The following TNN variants were observed in gnomAD, a reference collection of about 807,000 sequenced individuals.
The protein encoded by TNN is tenascin N.
Under a neutral mutation model 134.4 loss-of-function variants are expected in TNN, and 122 were observed. That is an observed-to-expected ratio of 0.91 (90% confidence interval 0.78 to 1.06). The LOEUF is 1.06. Ranked by LOEUF, TNN falls within the 50% of genes least tolerant of loss-of-function variation. The pLI is 0.00. For synonymous variants in TNN, 710 were observed against 670.3 expected, an observed-to-expected ratio of 1.06 and a Z score of -0.91; for missense variants, 1,739 against 1,699.4, an observed-to-expected ratio of 1.02 and a Z score of -0.41.
intron 9 of TNN, among the ~76,000 whole-genome samples, chr1:175,109,190 G>A (rs1346075771): frequency 8.0e-5 from 11 of 137,054 alleles, no homozygotes; most frequent in South Asian, 2.5e-4. Flanking sequence ...CCGGGTTCAC[G>A]CCATTCTCCT....
intron 15 of TNN, among the ~76,000 whole-genome samples, chr1:175,131,917 T>C (rs1357839411): frequency 7.3e-6 from 1 of 136,338 alleles, no homozygotes; most frequent in Non-Finnish European, 1.6e-5. Flanking sequence ...GAAGTATTAT[T>C]ACACACACAC....
chr1:175,091,306 G>A (rs918616559), intron 6 of TNN, among the ~76,000 whole-genome samples: 1 of 152,218 alleles, frequency 6.6e-6, no homozygotes. Flanking sequence ...GGCACTGTGA[G>A]CTTGGAGAAG....
At chr1:175,080,787 G>C (rs1437354926) in intron 4 of TNN, among the ~76,000 whole-genome samples, 1 of 152,172 alleles carries the variant, frequency 6.6e-6, no homozygotes, top group East Asian at 1.9e-4. Context: ...GGCTGCTGAA[G>C]CCACCTGTAT....
At position 175,077,815 on chromosome 1, in the gene TNN, C is replaced by G. The variant is rs1409190532; in HGVS notation, c.397C>G (p.Gln133Glu). 1 of 1,609,872 alleles carries G rather than the reference C, an allele frequency of 6.2e-7. No homozygotes were observed. Among genetic ancestry groups the G allele is most frequent in the Non-Finnish European group, 8.5e-7 (1 of 1,176,584 alleles). Residue 133 changes from glutamine to glutamate, a missense_variant, in exon 2 of 19, where the codon CAG becomes GAG. Coordinates refer to ENST00000239462, the MANE Select transcript of TNN (RefSeq NM_022093.2). ...ACAGTGTAGTGCCCAGCGCTGCTGC[C>G]AGGGAGTCACTGGTGAGCTCACCAC... Reference protein sequence around the residue: ...KEQCSAQRCCQGVTDLSRHCS... With the variant: ...KEQCSAQRCCEGVTDLSRHCS...
chr1:175,075,380 C>T (rs2149425503), intron 1 of TNN, among the ~76,000 whole-genome samples: 1 of 152,286 alleles, frequency 6.6e-6, no homozygotes, highest in African/African-American at 2.4e-5. Flanking sequence ...TCACTGCAGC[C>T]TCCGCCTCCC....
intron 18 of TNN, among the ~76,000 whole-genome samples, chr1:175,146,053 CT>C (rs1336637581): frequency 1.3e-5 from 2 of 152,158 alleles, no homozygotes; most frequent in African/African-American, 4.8e-5. Flanking sequence ...ATTTTGATTA[CT>C]TTGGCCCTGA....
At chr1:175,080,482 T>C (rs1674175246) in intron 4 of TNN, 56 bp downstream of exon 4, 6 of 1,599,988 alleles carry the variant, frequency 3.8e-6, no homozygotes, top group Non-Finnish European at 5.1e-6. Context: ...TTCTAAATGG[T>C]TTCTTTCATT....
chr1:175,079,915 A>G (rs571764580), intron 3 of TNN, among the ~76,000 whole-genome samples: 1 of 152,232 alleles, frequency 6.6e-6, no homozygotes, highest in African/African-American at 2.4e-5. Context: ...GCTGCTGGTT[A>G]GAGGCCCTAA....
In TNN at chr1:175,147,042, A is replaced by T; in HGVS notation, c.3871A>T (p.Thr1291Ser). Residue 1291 changes from threonine to serine, a missense_variant, in exon 19 of 19, where the codon ACG (threonine) becomes TCG (serine). Transcript: ENST00000239462. ...REPVLGRKKR[T>S]LRGRLRTF ...GCCTGTCCTGGGCAGAAAGAAGCGG[A>T]CGCTGAGAGGAAGGCTGCGAACGTT... The T allele has an allele frequency of 3.1e-6, 5 of 1,591,692 alleles. No individual in the cohort carries two copies. The highest frequency in any genetic ancestry group is 1.1e-5 in the South Asian group (1 of 88,370).
intron 15 of TNN, among the ~76,000 whole-genome samples, chr1:175,134,551 C>G (rs12070562): frequency 6.7e-6 from 1 of 149,246 alleles, no homozygotes; most frequent in Non-Finnish European, 1.5e-5. Context: ...TCTCAAAAAA[C>G]AAACAAACAA....
At chr1:175,118,896 G>C in intron 11 of TNN, 72 bp downstream of exon 11, 1 of 1,575,806 alleles carries the variant, frequency 6.3e-7, no homozygotes, top group South Asian at 1.1e-5. Flanking sequence ...GAGTGATGAT[G>C]CAGCTGCTTT....
At chr1:175,084,969 G>T (rs897141107) in intron 5 of TNN, among the ~76,000 whole-genome samples, 1 of 152,210 alleles carries the variant, frequency 6.6e-6, no homozygotes, top group Non-Finnish European at 1.5e-5. Context: ...TCTAGCCTGA[G>T]TGACACAGTG....
chr1:175,087,629 A>C (rs1454659916), intron 6 of TNN, among the ~76,000 whole-genome samples: 1 of 152,168 alleles, frequency 6.6e-6, no homozygotes, highest in African/African-American at 2.4e-5. Flanking sequence ...TCACCTCTGG[A>C]AGTGATTTTT....
intron 5 of TNN, among the ~76,000 whole-genome samples, chr1:175,084,580 G>A (rs991992219): frequency 6.6e-6 from 1 of 152,192 alleles, no homozygotes; most frequent in Non-Finnish European, 1.5e-5. Context: ...CAGGTACAAG[G>A]CCTTGGAATG....
At chr1:175,122,218 C>CAAA (rs10636029) in intron 11 of TNN, among the ~76,000 whole-genome samples, 3,641 of 144,590 alleles carry the variant, frequency 0.025, 102 homozygotes, top group African/African-American at 0.07. Flanking sequence ...CCTGTCTTTA[C>CAAA]AAAAAAAAAA....
chr1:175,083,901 G>A lies in TNN; in HGVS notation c.1200G>A (p.Lys400=). The A allele has an allele frequency of 5.0e-6, 8 of 1,614,144 alleles. No individual in the cohort carries two copies. Among genetic ancestry groups the A allele is most frequent in the East Asian group, 2.2e-5 (1 of 44,864 alleles). The part of the protein sequence containing the change: ...GQEVAEVTVP[K]SSDPKSRYDI... ...AGGTAGCTGAGGTCACTGTGCCCAAGAGCAGTGACCCCAAGAGCCGATATG... is the reference window on the plus strand; with the variant it reads ...AGGTAGCTGAGGTCACTGTGCCCAAAAGCAGTGACCCCAAGAGCCGATATG... The change falls in exon 5 of 19, where the codon AAG becomes AAA. Residue 400 remains lysine (K), a synonymous_variant. Transcript: ENST00000239462.
chr1:175,118,803 G>T lies in TNN; in HGVS notation c.2629G>T (p.Ala877Ser), dbSNP rs1675263252. Residue 877 changes from alanine (A) to serine (S), a missense_variant, in exon 11 of 19, where the codon GCT (alanine) becomes TCT (serine). Transcript: ENST00000239462. ...GAAGGGGAACCAGGAGAGCAAGAAG[G>T]CTGACACCAAGGCCCAGACAGGTAA... is the stretch of plus-strand genomic sequence containing the variant. ...AQKGNQESKK[A>S]DTKAQTEIDG... is the part of the protein sequence containing the mutation. 1 of 1,614,200 alleles carries T rather than the reference G, an allele frequency of 6.2e-7. No homozygotes were observed. The highest frequency in any genetic ancestry group is 8.5e-7 in the Non-Finnish European group (1 of 1,180,026).
chr1:175,136,501 G>A (rs773483374), intron 16 of TNN, among the ~76,000 whole-genome samples: 14 of 152,156 alleles, frequency 9.2e-5, no homozygotes, highest in South Asian at 2.1e-4. Flanking sequence ...AGGATGAGTC[G>A]TTGACCTGCT....
chr1:175,094,237 C>T lies in TNN; in HGVS notation c.1572C>T (p.Asp524=). The T allele has an allele frequency of 6.2e-7, 1 of 1,603,918 alleles. No homozygotes were observed. The highest frequency in any genetic ancestry group is 8.5e-7 in the Non-Finnish European group (1 of 1,173,380). The change falls in exon 7 of 19, where the codon GAC becomes GAT. Residue 524 remains aspartate, a synonymous_variant. Transcript: ENST00000239462. ...ERGNQGSKKA[D]TNALTEIDSP... ...GCAACCAGGGGAGCAAGAAAGCTGA[C>T]ACCAATGCCCTCACAGGTAACAGAA...
Sources: allele counts gnomAD v4.1 joint callset (sites outside exome capture counted in the v4.1 genomes callset), GRCh38; gene constraint gnomAD v4.1.1; transcripts MANE v1.5; gene names NCBI Gene and HGNC (gene_info 2026-07-23, HGNC 2026-07-21).